Variants in PARD3 observed in about 807,000 individuals in gnomAD.
PARD3 encodes partitioning defective 3 homolog.
PARD3 carries 75 observed loss-of-function variants against 155.4 expected under a neutral mutation model. The ratio of observed to expected loss-of-function variants is 0.48; its 90% CI spans 0.40 to 0.58. The LOEUF (loss-of-function observed/expected upper bound fraction) is 0.58. Ranked by LOEUF, PARD3 falls within the 20% of genes least tolerant of loss-of-function variation. PARD3 has a pLI of 0.00. For missense variants in PARD3, 1,642 were observed against 1,721.7 expected, an observed-to-expected ratio of 0.95 and a Z score of 0.82; for synonymous variants, 576 against 610.5, an observed-to-expected ratio of 0.94 and a Z score of 0.83.
chr10:34,598,288 C>T (rs1253942237), intron 2 of PARD3, among the ~76,000 whole-genome samples: 2 of 105,362 alleles, frequency 1.9e-5, no homozygotes, highest in African/African-American at 1.6e-4. Context: ...CACAAAGACA[C>T]AATTACCACA....
chr10:34,538,781 G>A (rs1043065803), intron 2 of PARD3, among the ~76,000 whole-genome samples: 3 of 152,158 alleles, frequency 2.0e-5, no homozygotes, highest in African/African-American at 4.8e-5. Context: ...GTGAGGCGCC[G>A]CTCCGGCAGG....
At chr10:34,303,471 C>A (rs79764041) in intron 20 of PARD3, among the ~76,000 whole-genome samples, 20 of 146,774 alleles carry the variant, frequency 1.4e-4, no homozygotes, top group Admixed American at 1.4e-4. Flanking sequence ...ACCTCCATTC[C>A]AAAAAAAAAA....
intron 7 of PARD3, among the ~76,000 whole-genome samples, chr10:34,386,485 T>G (rs1842357947): frequency 1.3e-5 from 2 of 152,194 alleles, no homozygotes; most frequent in African/African-American, 2.4e-5. Context: ...TCCCTATTGT[T>G]TGTTTCTATC....
intron 3 of PARD3, among the ~76,000 whole-genome samples, chr10:34,507,373 T>C (rs2081134232): frequency 6.6e-6 from 1 of 151,844 alleles, no homozygotes; most frequent in South Asian, 2.1e-4. Context: ...CTCTGACCCC[T>C]CCAACCTTTG....
At chr10:34,530,414 C>T (rs2082766170) in intron 2 of PARD3, among the ~76,000 whole-genome samples, 1 of 152,124 alleles carries the variant, frequency 6.6e-6, no homozygotes, top group South Asian at 2.1e-4. Context: ...TCTGGCACTG[C>T]TTCGTCTCTG....
intron 22 of PARD3, among the ~76,000 whole-genome samples, chr10:34,163,776 G>A (rs1949394309): frequency 6.6e-6 from 1 of 152,168 alleles, no homozygotes; most frequent in African/African-American, 2.4e-5. Flanking sequence ...CGTTACGGGG[G>A]AACTGCTCAG....
At chr10:34,241,635 C>T (rs1394543872) in intron 22 of PARD3, among the ~76,000 whole-genome samples, 1 of 152,142 alleles carries the variant, frequency 6.6e-6, no homozygotes, top group Non-Finnish European at 1.5e-5. Flanking sequence ...CAATGAAGGG[C>T]CATCAAGATG....
intron 1 of PARD3, among the ~76,000 whole-genome samples, chr10:34,735,235 T>C (rs2094892853): frequency 6.6e-6 from 1 of 152,208 alleles, no homozygotes. Context: ...ATAAGTTGTA[T>C]GTTTCTTTTG....
At chr10:34,213,647 A>G (rs1203752729) in intron 22 of PARD3, among the ~76,000 whole-genome samples, 2 of 152,184 alleles carry the variant, frequency 1.3e-5, no homozygotes, top group Non-Finnish European at 2.9e-5. Flanking sequence ...GTGTAAAGAT[A>G]AAAGAGAGAG....
At chr10:34,727,918 C>T (rs1276229129) in intron 1 of PARD3, among the ~76,000 whole-genome samples, 2 of 148,804 alleles carry the variant, frequency 1.3e-5, no homozygotes, top group African/African-American at 4.9e-5. Context: ...CACTTCCATC[C>T]AACCCCTCCA....
At chr10:34,191,258 C>T (rs781267829) in intron 22 of PARD3, among the ~76,000 whole-genome samples, 16 of 151,822 alleles carry the variant, frequency 1.1e-4, no homozygotes, top group East Asian at 3.9e-4. Flanking sequence ...AGATTTAGAG[C>T]GGAGAATAAG....
intron 2 of PARD3, among the ~76,000 whole-genome samples, chr10:34,615,234 C>A (rs560324900): frequency 1.3e-5 from 2 of 152,136 alleles, no homozygotes; most frequent in South Asian, 4.1e-4. Context: ...AAACAAAAAA[C>A]AAAGCTACAG....
chr10:34,808,576 TCC>T (rs939828053), intron 1 of PARD3, among the ~76,000 whole-genome samples: 1 of 151,914 alleles, frequency 6.6e-6, no homozygotes, highest in Non-Finnish European at 1.5e-5. Context: ...GCATGCCATC[TCC>T]CCCGATGGAA....
intron 1 of PARD3, among the ~76,000 whole-genome samples, chr10:34,811,243 G>A (rs998976060): frequency 2.0e-5 from 3 of 152,164 alleles, no homozygotes; most frequent in African/African-American, 7.2e-5. Flanking sequence ...CCTACTGCAC[G>A]AAGTCTCAGG....
intron 2 of PARD3, among the ~76,000 whole-genome samples, chr10:34,683,025 C>A (rs1297647524): frequency 6.6e-6 from 1 of 152,166 alleles, no homozygotes; most frequent in Non-Finnish European, 1.5e-5. Flanking sequence ...GAGCACAAAA[C>A]CTTAATGTGA....
chr10:34,194,498 TAAAGTAAACAA>T (rs1046242164), intron 22 of PARD3, among the ~76,000 whole-genome samples: 9 of 152,026 alleles, frequency 5.9e-5, no homozygotes, highest in Non-Finnish European at 1.0e-4. Context: ...ATGATCTCTC[TAAAGTAAACAA>T]ATTAGGGAAT....
intron 4 of PARD3, among the ~76,000 whole-genome samples, chr10:34,451,155 T>C (rs917109349): frequency 1.3e-5 from 2 of 152,220 alleles, no homozygotes; most frequent in Admixed American, 1.3e-4. Context: ...AAATGCTACG[T>C]GATATTTCTT....
At chr10:34,376,357 G>C (rs566116746) in intron 10 of PARD3, among the ~76,000 whole-genome samples, 1 of 152,282 alleles carries the variant, frequency 6.6e-6, no homozygotes, top group East Asian at 1.9e-4. Context: ...AAAGAAAAAA[G>C]TGACTCAATA....
intron 17 of PARD3, among the ~76,000 whole-genome samples, chr10:34,336,836 A>G (rs574657879): frequency 4.3e-4 from 66 of 152,274 alleles, no homozygotes; most frequent in Non-Finnish European, 5.6e-4. Flanking sequence ...CAGCAATGAA[A>G]GGAAGACATC....
Sources: gnomAD v4.1 joint callset for allele counts (sites outside exome capture counted in the v4.1 genomes callset) on GRCh38, gnomAD v4.1.1 for gene constraint, MANE v1.5 for transcripts, NCBI Gene and HGNC (gene_info 2026-07-23, HGNC 2026-07-21) for gene names.